AFAP1: variants seen among roughly 807,000 people sequenced by gnomAD.
AFAP1 encodes actin filament-associated protein 1.
Under a neutral mutation model 93.9 loss-of-function variants are expected in AFAP1, and 75 were observed. The ratio of observed to expected loss-of-function variants is 0.80; its 90% CI spans 0.66 to 0.97. The LOEUF is 0.97. AFAP1 is among the 50% of genes least tolerant of loss of function. The probability of loss-of-function intolerance (pLI) is 0.00; values close to 1 mark genes in which losing one functional copy is unlikely to be tolerated. For missense variants in AFAP1, 1,201 were observed against 1,050.8 expected (o/e 1.14, Z -1.98); for synonymous variants, 517 against 430.7 (o/e 1.20, Z -2.48).
intron 5 of AFAP1, 152 bp from the exon 6 acceptor site, chr4:7,838,855 CACAT>C (rs1712640522): frequency 7.2e-6 from 5 of 691,856 alleles, no homozygotes; most frequent in East Asian, 5.6e-5. Context: ...CACACACACA[CACAT>C]ACACACAGTG....
At position 7,761,336 on chromosome 4, in the gene AFAP1, C is replaced by G. The variant is rs558228819; in HGVS notation, c.*2429G>C. The G allele has an allele frequency of 1.3e-5, 2 of 152,322 alleles. No homozygotes were observed. The highest frequency in any genetic ancestry group is 4.8e-5 in the African/African-American group (2 of 41,564). 9.4% of individuals were successfully genotyped at this position (152,322 alleles called of 1,614,324 possible). A position where few individuals can be genotyped will look rare whatever the true frequency, so the allele number is the denominator to read the frequency against. The stretch of plus-strand genomic sequence containing the variant: ...GATGGGGTTTGTTAACGTTTGCCTC[C>G]GCTTTAAAAGGCTTAGGGTTGTGGA... On this transcript the variant is annotated 3_prime_UTR_variant, in exon 18 of 18. Coordinates refer to ENST00000420658, the MANE Select transcript of AFAP1 (RefSeq NM_001134647.2).
At position 7,873,851 on chromosome 4, in the gene AFAP1, G is replaced by A. The variant is rs114404572; in HGVS notation, c.-2-1771C>T. Among the ~76,000 whole-genome samples, 903 of 152,296 alleles carry A rather than the reference G, an allele frequency of 5.9e-3. 7 individuals are homozygous for A. The highest frequency in any genetic ancestry group is 0.019 in the African/African-American group (789 of 41,554). On this transcript the variant is annotated intron_variant, in intron 1 of 17. Coordinates refer to ENST00000420658, the MANE Select transcript of AFAP1 (RefSeq NM_001134647.2). ...GCAAACTGCAATGACTTAGACTTGA[G>A]TACCTGGCAGACATGTTCTCAAGAA... is the stretch of plus-strand genomic sequence containing the variant.
At chr4:7,816,339 A>C (rs1056729948) in intron 7 of AFAP1, among the ~76,000 whole-genome samples, 1 of 152,206 alleles carries the variant, frequency 6.6e-6, no homozygotes, top group African/African-American at 2.4e-5. Context: ...TAATTATACT[A>C]ACCTATATAT....
chr4:7,882,032 G>C (rs1577331262), intron 1 of AFAP1, among the ~76,000 whole-genome samples: 1 of 152,062 alleles, frequency 6.6e-6, no homozygotes, highest in African/African-American at 2.4e-5. Context: ...TGTTCATCTT[G>C]TTGGAACTTC....
intron 9 of AFAP1, among the ~76,000 whole-genome samples, chr4:7,807,819 ACAGTGCACG>A (rs1488313241): frequency 1.3e-5 from 2 of 152,144 alleles, no homozygotes; most frequent in Admixed American, 6.5e-5. Context: ...TCCCTTCAAG[ACAGTGCACG>A]CCATAGTGCC....
Position 7,800,556 on chromosome 4 carries a change from C to G in AFAP1, c.1152G>C (p.Lys384Asn). 1 of 1,614,196 alleles carries G rather than the reference C, an allele frequency of 6.2e-7. No individual in the cohort carries two copies. Among genetic ancestry groups the G allele is most frequent in the Non-Finnish European group, 8.5e-7 (1 of 1,180,020 alleles). The change falls in exon 10 of 18, where the codon AAG (lysine) becomes AAC (asparagine). Residue 384 changes from lysine (K) to asparagine (N), a missense_variant. By Grantham distance (94) the Lys-to-Asn change is moderately conservative. Coordinates refer to ENST00000420658, the MANE Select transcript of AFAP1 (RefSeq NM_001134647.2). The part of the protein sequence containing the change: ...LIFHKDRTDL[K>N]THIVSIPLRG... Reference sequence around the variant, plus strand: ...GGAGCGGAATAGACACAATATGGGTCTTCAGGTCGGTCCTGTCCTTGTGGA... The same window carrying G: ...GGAGCGGAATAGACACAATATGGGTGTTCAGGTCGGTCCTGTCCTTGTGGA...
At chr4:7,916,769 G>GA (rs1478580924) in intron 1 of AFAP1, among the ~76,000 whole-genome samples, 1 of 152,294 alleles carries the variant, frequency 6.6e-6, no homozygotes, top group East Asian at 1.9e-4. Flanking sequence ...AGACTCAGCA[G>GA]AAAGGGATGT....
intron 9 of AFAP1, among the ~76,000 whole-genome samples, chr4:7,807,688 C>G (rs1196936041): frequency 6.6e-6 from 1 of 152,250 alleles, no homozygotes; most frequent in Non-Finnish European, 1.5e-5. Flanking sequence ...CTCCTTCAAC[C>G]ACATGACGCC....
At chr4:7,847,841 T>A (rs1253632491) in intron 4 of AFAP1, among the ~76,000 whole-genome samples, 1 of 150,464 alleles carries the variant, frequency 6.6e-6, no homozygotes, top group Non-Finnish European at 1.5e-5. Flanking sequence ...CATTCAGATG[T>A]CTACACTTTG....
chr4:7,913,534 C>A (rs1719894898), intron 1 of AFAP1, among the ~76,000 whole-genome samples: 1 of 152,082 alleles, frequency 6.6e-6, no homozygotes, highest in African/African-American at 2.4e-5. Context: ...AGTATCCTTA[C>A]CTTAAAATTC....
chr4:7,933,040 A>AAAG lies in AFAP1; in HGVS notation c.-3+6615_-3+6616insCTT, dbSNP rs1553858303. Among the ~76,000 whole-genome samples, 825 of 118,328 alleles carry AAAG rather than the reference A, an allele frequency of 7.0e-3. 15 individuals are homozygous for AAAG. Among genetic ancestry groups the AAAG allele is most frequent in the Non-Finnish European group, 0.01 (575 of 57,274 alleles). 77.6% of individuals were successfully genotyped at this position (118,328 alleles called of 152,430 possible). A position where few individuals can be genotyped will look rare whatever the true frequency, so the allele number is the denominator to read the frequency against. On this transcript the variant is annotated intron_variant, in intron 1 of 17. Coordinates refer to ENST00000420658, the MANE Select transcript of AFAP1 (RefSeq NM_001134647.2). Reference sequence around the variant, plus strand: ...CTCTCAAAAAAAAAAAAAAAAAAAAAGGGGGGGGATCTTCACGTTCCTGAC... The same window carrying AAAG: ...CTCTCAAAAAAAAAAAAAAAAAAAAAAAGGGGGGGGGATCTTCACGTTCCTGAC...
intron 4 of AFAP1, among the ~76,000 whole-genome samples, chr4:7,848,582 CTCT>C (rs965959647): frequency 6.6e-6 from 1 of 152,148 alleles, no homozygotes; most frequent in African/African-American, 2.4e-5. Context: ...CGTGCCTCTC[CTCT>C]GTTTCTGTTC....
chr4:7,833,410 C>G (rs1711867022), intron 6 of AFAP1, among the ~76,000 whole-genome samples: 1 of 152,098 alleles, frequency 6.6e-6, no homozygotes, highest in Non-Finnish European at 1.5e-5. Flanking sequence ...TGCTCAATAT[C>G]ACCAATGATC....
intron 6 of AFAP1, among the ~76,000 whole-genome samples, chr4:7,819,730 G>A (rs1036270927): frequency 3.9e-5 from 6 of 152,202 alleles, no homozygotes; most frequent in African/African-American, 1.4e-4. Context: ...AGATGAGGCA[G>A]GAGGCCAGTA....
chr4:7,929,126 A>C (rs1254962873), intron 1 of AFAP1, among the ~76,000 whole-genome samples: 3 of 152,240 alleles, frequency 2.0e-5, no homozygotes, highest in African/African-American at 4.8e-5. Context: ...GCACAGACTA[A>C]GTATTTTGTG....
At chr4:7,876,212 G>T (rs62289337) in intron 1 of AFAP1, among the ~76,000 whole-genome samples, 1 of 152,022 alleles carries the variant, frequency 6.6e-6, no homozygotes, top group Non-Finnish European at 1.5e-5. Flanking sequence ...CCATGAGGCC[G>T]CTGTGCAAAA....
At chr4:7,855,351 T>A in intron 4 of AFAP1, 115 bp downstream of exon 4, 1 of 769,344 alleles carries the variant, frequency 1.3e-6, no homozygotes, top group Non-Finnish European at 2.1e-6. Context: ...AAAAAGTACT[T>A]GGCCCACAGT....
chr4:7,803,298 G>A (rs892156724), intron 9 of AFAP1, among the ~76,000 whole-genome samples: 16 of 152,242 alleles, frequency 1.1e-4, no homozygotes, highest in Admixed American at 2.0e-4. Context: ...AAAACAGCCC[G>A]TGCTCTGGAG....
chr4:7,831,172 C>G (rs1188072574), intron 6 of AFAP1, among the ~76,000 whole-genome samples: 1 of 152,142 alleles, frequency 6.6e-6, no homozygotes, highest in Non-Finnish European at 1.5e-5. Context: ...TAGCCCATCT[C>G]AAGTCTCTGC....
Sources: gnomAD v4.1 joint callset for allele counts (sites outside exome capture counted in the v4.1 genomes callset) on GRCh38, gnomAD v4.1.1 for gene constraint, MANE v1.5 for transcripts, NCBI Gene and HGNC (gene_info 2026-07-23, HGNC 2026-07-21) for gene names.